The following MFAP3L variants were observed in gnomAD, a reference collection of about 807,000 sequenced individuals.
The protein encoded by MFAP3L is microfibrillar-associated protein 3-like.
MFAP3L carries 5 observed loss-of-function variants against 20.0 expected under a neutral mutation model. That is an observed-to-expected ratio of 0.25 (90% CI 0.13 to 0.53). The LOEUF is 0.53. Among genes scored for constraint, MFAP3L ranks in the 20% least tolerant of loss-of-function variants. The pLI is 0.96. For missense variants in MFAP3L, 409 were observed against 527.5 expected (o/e 0.78, Z 2.20); for synonymous variants, 219 against 213.0 (o/e 1.03, Z -0.25).
intron 2 of MFAP3L, among the ~76,000 whole-genome samples, chr4:170,004,059 A>C (rs1738872915): frequency 6.6e-6 from 1 of 152,034 alleles, no homozygotes; most frequent in African/African-American, 2.4e-5. Context: ...TGGGTTCAAG[A>C]GATTATTCTG....
upstream of MFAP3L, among the ~76,000 whole-genome samples, chr4:170,026,709 C>G (rs1003384721): frequency 1.3e-5 from 2 of 152,324 alleles, no homozygotes; most frequent in Middle Eastern, 3.4e-3. Flanking sequence ...GCGCGGGACT[C>G]TCACTCCGCT....
chr4:170,021,851 T>C (rs1036251830), intron 1 of MFAP3L, among the ~76,000 whole-genome samples: 10 of 152,070 alleles, frequency 6.6e-5, no homozygotes, highest in African/African-American at 2.4e-4. Flanking sequence ...AACTCCCACA[T>C]CCCCCAACAC....
chr4:170,020,622 CCCCTCCCTCCT>C (rs1360625652), intron 1 of MFAP3L, among the ~76,000 whole-genome samples: 1 of 128,594 alleles, frequency 7.8e-6, no homozygotes, highest in Non-Finnish European at 1.7e-5. Flanking sequence ...CTCCCCCTCC[CCCCTCCCTCCT>C]CCCATTCCCC....
In MFAP3L at chr4:170,018,757, T is replaced by C. The variant is rs547665893; in HGVS notation, c.-134+7477A>G. On this transcript the variant is annotated intron_variant, in intron 1 of 2. Coordinates refer to ENST00000361618, the MANE Select transcript of MFAP3L (RefSeq NM_021647.8). The stretch of plus-strand genomic sequence containing the variant: ...GACTCAAAGACCAAGTAATCTAGGA[T>C]TGTCCAAACCTTGAAGAAAAACAAA... 1.1e-3 allele frequency among the ~76,000 whole-genome samples: 173 copies of C among 152,244 alleles called. 1 individual carries two copies. The highest frequency in any genetic ancestry group is 3.9e-3 in the African/African-American group (164 of 41,552).
At chr4:170,006,087 A>G (rs1554000331) in intron 1 of MFAP3L, 77 bp from the exon 2 acceptor site, 5 of 1,143,310 alleles carry the variant, frequency 4.4e-6, no homozygotes, top group Non-Finnish European at 5.8e-6. Context: ...ACGGTTAGCA[A>G]TGCAGCTAAA....
chr4:170,024,766 G>C (rs887421288), intron 1 of MFAP3L, among the ~76,000 whole-genome samples: 24 of 152,174 alleles, frequency 1.6e-4, no homozygotes, highest in African/African-American at 5.8e-4. Context: ...TCACAGGACA[G>C]AGCCAACTCT....
intron 1 of MFAP3L, among the ~76,000 whole-genome samples, chr4:170,008,162 C>A (rs906911075): frequency 6.6e-6 from 1 of 152,062 alleles, no homozygotes; most frequent in Non-Finnish European, 1.5e-5. Context: ...AGAGACCTTA[C>A]GAGATACAGA....
At chr4:170,001,743 C>T (rs761684914) in intron 2 of MFAP3L, among the ~76,000 whole-genome samples, 18 of 152,182 alleles carry the variant, frequency 1.2e-4, no homozygotes, top group Non-Finnish European at 1.9e-4. Flanking sequence ...TTCATGTTGT[C>T]TGCTTTATGG....
chr4:170,014,230 G>C (rs1247288141), intron 1 of MFAP3L, among the ~76,000 whole-genome samples: 1 of 152,200 alleles, frequency 6.6e-6, no homozygotes. Flanking sequence ...TATGCATGTA[G>C]AGATTCGAAT....
chr4:170,010,328 T>G (rs535899876), intron 1 of MFAP3L, among the ~76,000 whole-genome samples: 4 of 152,368 alleles, frequency 2.6e-5, no homozygotes, highest in African/African-American at 9.6e-5. Flanking sequence ...AAATTCTCAC[T>G]GGCTCATTCT....
chr4:170,001,904 C>T (rs1738649348), intron 2 of MFAP3L: 1 of 984,488 alleles, frequency 1.0e-6, no homozygotes, highest in Non-Finnish European at 1.2e-6. Context: ...CTGCCAATGA[C>T]AGGAAATAGC....
intron 2 of MFAP3L, chr4:170,002,076 A>T: frequency 1.0e-6 from 1 of 985,316 alleles, no homozygotes; most frequent in Non-Finnish European, 1.2e-6. Flanking sequence ...CTTTTTGTGC[A>T]TGTGCATGCC....
chr4:170,026,927 C>T (rs1361548703), upstream of MFAP3L: 2 of 152,230 alleles, frequency 1.3e-5, no homozygotes, highest in South Asian at 2.1e-4. Flanking sequence ...CTCAGGCCTT[C>T]CCGGGCGACT....
chr4:170,014,237 G>A (rs907870448), intron 1 of MFAP3L, among the ~76,000 whole-genome samples: 3 of 152,102 alleles, frequency 2.0e-5, no homozygotes, highest in Non-Finnish European at 4.4e-5. Flanking sequence ...GTAGAGATTC[G>A]AATTTTCATT....
chr4:170,019,302 C>A (rs1581524091), intron 1 of MFAP3L, among the ~76,000 whole-genome samples: 1 of 152,296 alleles, frequency 6.6e-6, no homozygotes, highest in East Asian at 1.9e-4. Flanking sequence ...AATCCCAGCA[C>A]TTTGGGAGGC....
chr4:170,016,618 C>A (rs1048508057), intron 1 of MFAP3L, among the ~76,000 whole-genome samples: 1 of 152,188 alleles, frequency 6.6e-6, no homozygotes, highest in Non-Finnish European at 1.5e-5. Context: ...CTGTCGTTGC[C>A]GCTGTTTACT....
At chr4:169,998,050 A>AGT (rs777143578) in intron 2 of MFAP3L, among the ~76,000 whole-genome samples, 3 of 152,238 alleles carry the variant, frequency 2.0e-5, no homozygotes, top group Non-Finnish European at 4.4e-5. Context: ...TTTTAAGAAC[A>AGT]GTGTTTCTTC....
upstream of MFAP3L, chr4:170,026,865 C>T (rs191405876): frequency 1.3e-5 from 2 of 152,432 alleles, no homozygotes; most frequent in Admixed American, 1.3e-4. Flanking sequence ...CCTACCCTGT[C>T]TCCTTGCAAT....
Position 170,005,758 on chromosome 4 carries a change from G to C in MFAP3L, c.120C>G (p.Asn40Lys), listed in dbSNP as rs1402203116. ...TTACGGGCACAGAGCCCAAGACCAC[G>C]TTAGTGCCATTTAAAGTGCTGTTAG... ...SVTNSTLNGT[N>K]VVLGSVPVII... The change falls in exon 2 of 3, where the codon AAC (asparagine) becomes AAG (lysine). Residue 40 changes from asparagine (N) to lysine (K), a missense_variant. By Grantham distance (94) the Asn-to-Lys change is moderately conservative. Around this residue, in one of 3 missense-constraint regions of MFAP3L, gnomAD observed 113 missense variants for 131.1 expected, o/e 0.86. Transcript: ENST00000361618. The C allele has an allele frequency of 6.2e-7, 1 of 1,614,218 alleles. No homozygotes were observed. Among genetic ancestry groups the C allele is most frequent in the South Asian group, 1.1e-5 (1 of 91,086 alleles).
Sources: gnomAD v4.1 joint callset for allele counts (sites outside exome capture counted in the v4.1 genomes callset) on GRCh38, gnomAD v4.1.1 for gene constraint, gnomAD v4.1.1 regional missense constraint, MANE v1.5 for transcripts, NCBI Gene and HGNC (gene_info 2026-07-23, HGNC 2026-07-21) for gene names.